The following ANTXR1 variants were observed in gnomAD, a reference collection of about 807,000 sequenced individuals.
The protein encoded by ANTXR1 is ANTXR cell adhesion molecule 1.
A neutral mutation model predicts 78.1 loss-of-function variants in ANTXR1; 19 were observed. That is an observed-to-expected ratio of 0.24 (90% CI 0.17 to 0.36). ANTXR1 has a LOEUF of 0.36. ANTXR1 is among the 10% of genes least tolerant of loss of function. The pLI, the probability that ANTXR1 is intolerant of heterozygous loss-of-function variation, is 1.00. For missense variants in ANTXR1, 518 were observed against 718.6 expected (o/e 0.72, Z 3.19); for synonymous variants, 273 against 260.5 (o/e 1.05, Z -0.46).
intron 12 of ANTXR1, chr2:69,146,390 A>G: frequency 1.0e-6 from 1 of 983,160 alleles, no homozygotes; most frequent in Non-Finnish European, 1.2e-6. Context: ...TTTTTAATAA[A>G]ATAAGAATTG....
chr2:69,151,486 C>T (rs545946028), intron 12 of ANTXR1, among the ~76,000 whole-genome samples: 3 of 152,216 alleles, frequency 2.0e-5, no homozygotes, highest in East Asian at 3.9e-4. Flanking sequence ...AGTTAGACAT[C>T]GCAGTCCACA....
intron 17 of ANTXR1, among the ~76,000 whole-genome samples, chr2:69,214,980 G>A (rs1273108224): frequency 1.3e-5 from 2 of 152,110 alleles, no homozygotes; most frequent in African/African-American, 4.8e-5. Context: ...TAGCCTCTTG[G>A]ACAGCATCCA....
chr2:69,122,873 C>T (rs956285551), intron 10 of ANTXR1, 144 bp from the exon 11 acceptor site: 7 of 815,702 alleles, frequency 8.6e-6, no homozygotes, highest in Non-Finnish European at 1.3e-5. Context: ...CGATAGTTTG[C>T]TGTACAGCTT....
At chr2:69,082,103 C>T (rs990152180) in intron 8 of ANTXR1, among the ~76,000 whole-genome samples, 19 of 152,294 alleles carry the variant, frequency 1.2e-4, no homozygotes, top group South Asian at 4.2e-4. Context: ...GGACTGAAAA[C>T]GTGAACTGGC....
At chr2:69,217,275 C>T (rs1004411507) in intron 17 of ANTXR1, among the ~76,000 whole-genome samples, 2 of 152,242 alleles carry the variant, frequency 1.3e-5, no homozygotes, top group Non-Finnish European at 1.5e-5. Context: ...ATCCCTGCTG[C>T]TGGCCAGTGT....
chr2:69,205,509 T>G (rs1674874055), intron 17 of ANTXR1, among the ~76,000 whole-genome samples: 1 of 152,088 alleles, frequency 6.6e-6, no homozygotes, highest in African/African-American at 2.4e-5. Flanking sequence ...AGCCACAAAG[T>G]TTAGCACCAA....
At chr2:69,162,107 T>C (rs10195188) in intron 13 of ANTXR1, among the ~76,000 whole-genome samples, 4 of 152,060 alleles carry the variant, frequency 2.6e-5, no homozygotes, top group African/African-American at 9.7e-5. Context: ...AAAAATAGAA[T>C]AGAAGTTGCC....
intron 13 of ANTXR1, among the ~76,000 whole-genome samples, chr2:69,157,864 G>A (rs1383652851): frequency 1.3e-5 from 2 of 152,148 alleles, no homozygotes; most frequent in Admixed American, 6.5e-5. Context: ...AGGCAGCCAG[G>A]TGATGAGCCT....
At chr2:69,152,832 G>A (rs1673433752) in intron 13 of ANTXR1, among the ~76,000 whole-genome samples, 1 of 152,114 alleles carries the variant, frequency 6.6e-6, no homozygotes, top group East Asian at 1.9e-4. Context: ...TTGGCTACAA[G>A]ATCAATAAAA....
intron 17 of ANTXR1, among the ~76,000 whole-genome samples, chr2:69,210,704 CAG>C (rs1417046987): frequency 9.2e-5 from 14 of 152,034 alleles, no homozygotes; most frequent in African/African-American, 3.4e-4. Flanking sequence ...CAGAGGCCGA[CAG>C]GGGTGGATCA....
chr2:69,180,701 T>A (rs1450434072), intron 14 of ANTXR1, among the ~76,000 whole-genome samples: 1 of 152,198 alleles, frequency 6.6e-6, no homozygotes, highest in Non-Finnish European at 1.5e-5. Flanking sequence ...GGGAATACAA[T>A]TGTAAGCATG....
chr2:69,145,246 G>T, intron 12 of ANTXR1: 1 of 1,419,584 alleles, frequency 7.0e-7, no homozygotes, highest in Non-Finnish European at 9.7e-7. Context: ...ACTTGCATGG[G>T]TCCCTGCTAG....
At chr2:69,015,712 A>G (rs1671006668) in intron 1 of ANTXR1, among the ~76,000 whole-genome samples, 1 of 152,168 alleles carries the variant, frequency 6.6e-6, no homozygotes, top group African/African-American at 2.4e-5. Flanking sequence ...ATGATAAGGA[A>G]GAAACCATAA....
intron 17 of ANTXR1, among the ~76,000 whole-genome samples, chr2:69,231,641 A>G (rs561462443): frequency 9.2e-5 from 14 of 152,284 alleles, no homozygotes; most frequent in African/African-American, 3.4e-4. Context: ...AGAGTCTCTC[A>G]TGAAGCTGCA....
chr2:69,177,473 G>A (rs545551886), intron 14 of ANTXR1, among the ~76,000 whole-genome samples: 1 of 152,288 alleles, frequency 6.6e-6, no homozygotes, highest in Admixed American at 6.5e-5. Flanking sequence ...CTGAGGACAC[G>A]CAGGTCAGAA....
intron 12 of ANTXR1, among the ~76,000 whole-genome samples, chr2:69,151,851 T>C (rs1159197680): frequency 6.6e-6 from 1 of 152,204 alleles, no homozygotes; most frequent in Non-Finnish European, 1.5e-5. Context: ...GGGATGGTGT[T>C]CCAGGGGGCC....
chr2:69,158,218 C>T (rs1673579019), intron 13 of ANTXR1, among the ~76,000 whole-genome samples: 1 of 152,182 alleles, frequency 6.6e-6, no homozygotes, highest in African/African-American at 2.4e-5. Flanking sequence ...GGATGGAGGA[C>T]CAACTGTGGG....
At chr2:69,062,450 G>T (rs1385856488) in intron 3 of ANTXR1, among the ~76,000 whole-genome samples, 1 of 152,118 alleles carries the variant, frequency 6.6e-6, no homozygotes, top group Non-Finnish European at 1.5e-5. Context: ...GATCACAAAG[G>T]CAGGGCAGGG....
chr2:69,162,043 A>G (rs1673696416), intron 13 of ANTXR1, among the ~76,000 whole-genome samples: 1 of 152,130 alleles, frequency 6.6e-6, no homozygotes, highest in Non-Finnish European at 1.5e-5. Context: ...ATCCATTACT[A>G]TTGACTGACA....
Sources: gnomAD v4.1 joint callset for allele counts (sites outside exome capture counted in the v4.1 genomes callset) on GRCh38, gnomAD v4.1.1 for gene constraint, MANE v1.5 for transcripts, NCBI Gene and HGNC (gene_info 2026-07-23, HGNC 2026-07-21) for gene names.